FBN2: variants seen among roughly 807,000 people sequenced by gnomAD.
FBN2 encodes the protein fibrillin-2.
In FBN2, 105 loss-of-function variants were observed where a neutral mutation model predicts 355.6. The observed-to-expected ratio is 0.30, with a 90% CI of 0.25 to 0.35. The LOEUF (loss-of-function observed/expected upper bound fraction) is 0.35, where lower values mean the gene tolerates loss of function less well. Ranked by LOEUF, FBN2 falls within the 10% of genes least tolerant of loss-of-function variation. The pLI, the probability that FBN2 is intolerant of heterozygous loss-of-function variation, is 1.00. For missense variants in FBN2, 3,280 were observed against 3,758.7 expected (o/e 0.87, Z 3.33); for synonymous variants, 1,350 against 1,301.2 (o/e 1.04, Z -0.81).
chr5:128,272,036 T>C lies in FBN2; in HGVS notation c.7923A>G (p.Gln2641=). The C allele has an allele frequency of 6.2e-7, 1 of 1,614,082 alleles. No homozygotes were observed. Among genetic ancestry groups the C allele is most frequent in the Non-Finnish European group, 8.5e-7 (1 of 1,179,944 alleles). The change falls in exon 62 of 65, where the codon CAA becomes CAG. Residue 2641 remains glutamine (Q), a synonymous_variant. Coordinates refer to ENST00000262464, the MANE Select transcript of FBN2 (RefSeq NM_001999.4). ...TCCACTGGTAGTGCTGGATGTAGCCTTGGGGGCAGCCACATCTGTAGCCAC... is the reference window on the plus strand; with the variant it reads ...TCCACTGGTAGTGCTGGATGTAGCCCTGGGGGCAGCCACATCTGTAGCCAC... ...ILGGYRCGCP[Q]GYIQHYQWNQ...
intron 7 of FBN2, among the ~76,000 whole-genome samples, chr5:128,439,556 CA>C (rs1561457701): frequency 6.6e-6 from 1 of 152,104 alleles, no homozygotes; most frequent in African/African-American, 2.4e-5. Context: ...CATCAATAGT[CA>C]ATTCATATCC....
Position 128,536,449 on chromosome 5 carries a change from C to A in FBN2, c.290G>T (p.Cys97Phe), listed in dbSNP as rs1406079455. ...NVCGSRFHSY[C>F]CPGWKTLPGG... The stretch of plus-strand genomic sequence containing the variant: ...AGGGAGCGTCTTCCATCCAGGGCAG[C>A]AGTAGGAGTGGAATCTGGAGCCGCA... Residue 97 changes from cysteine (C) to phenylalanine (F), a missense_variant, in exon 2 of 65, where the codon TGC (cysteine) becomes TTC (phenylalanine). Transcript: ENST00000262464. The A allele has an allele frequency of 6.2e-7, 1 of 1,613,964 alleles. No homozygotes were observed. Among genetic ancestry groups the A allele is most frequent in the Non-Finnish European group, 8.5e-7 (1 of 1,180,018 alleles).
chr5:128,337,912 C>T, intron 27 of FBN2, 85 bp downstream of exon 27: 1 of 1,456,236 alleles, frequency 6.9e-7, no homozygotes, highest in South Asian at 1.2e-5. Flanking sequence ...TTCATGTGCT[C>T]CTCAAACAAC....
In FBN2 at chr5:128,514,449, C is replaced by T. The variant is rs528155476; in HGVS notation, c.628+4824G>A. 3.4e-4 allele frequency among the ~76,000 whole-genome samples: 51 copies of T among 152,202 alleles called. 1 individual carries two copies. Among genetic ancestry groups the T allele is most frequent in the Admixed American group, 3.1e-3 (47 of 15,274 alleles). Reference sequence around the variant, plus strand: ...GCATCCTCATGTGTAAAGTAGATGACTAGTTTTTCAATAATTTGCTTCTCA... The same window carrying T: ...GCATCCTCATGTGTAAAGTAGATGATTAGTTTTTCAATAATTTGCTTCTCA... On this transcript the variant is annotated intron_variant, in intron 5 of 64. Coordinates refer to ENST00000262464, the MANE Select transcript of FBN2 (RefSeq NM_001999.4).
intron 6 of FBN2, among the ~76,000 whole-genome samples, chr5:128,464,197 A>G (rs1195296489): frequency 5.3e-5 from 8 of 152,182 alleles, no homozygotes; most frequent in Non-Finnish European, 1.0e-4. Flanking sequence ...GGGAGTGTCA[A>G]AACCCAGAGA....
chr5:128,283,752 A>G (rs979676614), intron 55 of FBN2, among the ~76,000 whole-genome samples: 1 of 152,182 alleles, frequency 6.6e-6, no homozygotes, highest in Admixed American at 6.5e-5. Context: ...TCTGACACTG[A>G]GCATGACCAA....
intron 24 of FBN2, among the ~76,000 whole-genome samples, chr5:128,344,844 G>A (rs1325725152): frequency 6.6e-6 from 1 of 152,208 alleles, no homozygotes; most frequent in Non-Finnish European, 1.5e-5. Flanking sequence ...GAGATTACAG[G>A]CGCGAGCCAC....
chr5:128,527,130 T>G (rs775747321), intron 4 of FBN2, among the ~76,000 whole-genome samples: 6 of 152,144 alleles, frequency 3.9e-5, no homozygotes, highest in Non-Finnish European at 7.4e-5. Flanking sequence ...AAATAACACT[T>G]CTTTAATGTC....
intron 5 of FBN2, among the ~76,000 whole-genome samples, chr5:128,504,323 G>T (rs1755896875): frequency 6.6e-6 from 1 of 152,120 alleles, no homozygotes; most frequent in Non-Finnish European, 1.5e-5. Context: ...TGAGAAGAGG[G>T]CCACCATCCT....
chr5:128,304,894 A>T, intron 45 of FBN2, 63 bp downstream of exon 45: 4 of 1,605,904 alleles, frequency 2.5e-6, no homozygotes, highest in South Asian at 2.2e-5. Context: ...CACTTGATGG[A>T]ACTGTGATCT....
chr5:128,332,134 T>C (rs557082162), intron 32 of FBN2, among the ~76,000 whole-genome samples: 26 of 152,356 alleles, frequency 1.7e-4, no homozygotes, highest in East Asian at 1.5e-3. Context: ...AATTAACTTA[T>C]AGTTTTGGTA....
chr5:128,431,685 T>A (rs1351126827), intron 7 of FBN2, among the ~76,000 whole-genome samples: 2 of 152,214 alleles, frequency 1.3e-5, no homozygotes, highest in Admixed American at 1.3e-4. Context: ...TATATCTGAA[T>A]CATTACCATC....
chr5:128,423,063 AT>A (rs1374768695), intron 7 of FBN2, among the ~76,000 whole-genome samples: 6 of 152,158 alleles, frequency 3.9e-5, no homozygotes, highest in Non-Finnish European at 8.8e-5. Context: ...TGATGACAAT[AT>A]GGTGAGATAA....
rs1397795600 is a variant in FBN2, at chr5:128,376,712, A to C, written c.1972+19T>G. The C allele has an allele frequency of 1.2e-6, 2 of 1,613,318 alleles. No individual in the cohort carries two copies. Among genetic ancestry groups the C allele is most frequent in the African/African-American group, 1.3e-5 (1 of 74,882 alleles). ...TGGTTTCAATCATGGTCACTTTCCTATCTGAAAGCCACACATACCAGTACA... is the reference window on the plus strand; with the variant it reads ...TGGTTTCAATCATGGTCACTTTCCTCTCTGAAAGCCACACATACCAGTACA... On this transcript the variant is annotated intron_variant, in intron 14 of 64. Coordinates refer to ENST00000262464, the MANE Select transcript of FBN2 (RefSeq NM_001999.4).
chr5:128,346,875 G>A (rs1322542750), intron 23 of FBN2, among the ~76,000 whole-genome samples: 1 of 152,178 alleles, frequency 6.6e-6, no homozygotes, highest in Non-Finnish European at 1.5e-5. Context: ...TGTGGTAAAT[G>A]TTTATTTTGA....
chr5:128,497,539 C>A (rs1755688682), intron 5 of FBN2, among the ~76,000 whole-genome samples: 1 of 152,268 alleles, frequency 6.6e-6, no homozygotes, highest in South Asian at 2.1e-4. Flanking sequence ...AGAACCAGCA[C>A]GTAAAAGGAA....
At chr5:128,456,352 T>C (rs1754394651) in intron 6 of FBN2, among the ~76,000 whole-genome samples, 1 of 152,138 alleles carries the variant, frequency 6.6e-6, no homozygotes, top group Non-Finnish European at 1.5e-5. Flanking sequence ...TCAGCAGACT[T>C]AGCCTCTCCT....
At chr5:128,522,462 G>A (rs1309245318) in intron 4 of FBN2, among the ~76,000 whole-genome samples, 1 of 152,160 alleles carries the variant, frequency 6.6e-6, no homozygotes, top group Non-Finnish European at 1.5e-5. Context: ...CTCCCCTACA[G>A]ACGTTTGAGG....
intron 27 of FBN2, among the ~76,000 whole-genome samples, chr5:128,336,518 A>T (rs988593750): frequency 1.3e-5 from 2 of 152,210 alleles, no homozygotes; most frequent in African/African-American, 4.8e-5. Context: ...ACTACTTAAT[A>T]TATGAACTTA....
Sources: gnomAD v4.1 joint callset for allele counts (sites outside exome capture counted in the v4.1 genomes callset) on GRCh38, gnomAD v4.1.1 for gene constraint, MANE v1.5 for transcripts, NCBI Gene and HGNC (gene_info 2026-07-23, HGNC 2026-07-21) for gene names.